Variants in ATP2C1 observed in about 807,000 individuals in gnomAD.
ATP2C1 encodes the protein ATPase secretory pathway Ca2+ transporting 1.
A neutral mutation model predicts 120.5 loss-of-function variants in ATP2C1; 31 were observed. That is an observed-to-expected ratio of 0.26 (90% confidence interval 0.19 to 0.35). The LOEUF (loss-of-function observed/expected upper bound fraction) is 0.35. ATP2C1 is among the 10% of genes least tolerant of loss of function. The pLI is 1.00. For synonymous variants in ATP2C1, 351 were observed against 358.7 expected, an observed-to-expected ratio of 0.98 and a Z score of 0.24; for missense variants, 731 against 1,107.5, an observed-to-expected ratio of 0.66 and a Z score of 4.83.
chr3:130,908,268 T>C (rs1437382182), intron 2 of ATP2C1, among the ~76,000 whole-genome samples: 1 of 152,118 alleles, frequency 6.6e-6, no homozygotes, highest in Admixed American at 6.6e-5. Context: ...ACAGGATGTT[T>C]ACTGCAGCAA....
At chr3:130,952,182 C>T (rs759035886) in intron 8 of ATP2C1, among the ~76,000 whole-genome samples, 33 of 152,142 alleles carry the variant, frequency 2.2e-4, no homozygotes, top group Non-Finnish European at 4.0e-4. Context: ...CTCTACCTGG[C>T]ATTATGTTAT....
At chr3:130,899,523 TCTTG>T (rs1350592632) in intron 2 of ATP2C1, 1 of 152,284 alleles carries the variant, frequency 6.6e-6, no homozygotes, top group Non-Finnish European at 1.5e-5. Context: ...GAGGGGTTGG[TCTTG>T]CTGTCTCGGG....
At chr3:130,912,351 C>T (rs1442599292) in intron 2 of ATP2C1, among the ~76,000 whole-genome samples, 5 of 151,596 alleles carry the variant, frequency 3.3e-5, no homozygotes, top group Admixed American at 2.6e-4. Context: ...GCAACCTACT[C>T]ATCTGACAAA....
chr3:130,882,034 G>C (rs1282992728), intron 1 of ATP2C1, among the ~76,000 whole-genome samples: 2 of 152,066 alleles, frequency 1.3e-5, no homozygotes, highest in Non-Finnish European at 2.9e-5. Flanking sequence ...CAATTTAGAT[G>C]TTAAAGAACA....
intron 2 of ATP2C1, among the ~76,000 whole-genome samples, chr3:130,904,560 T>G (rs1250525756): frequency 6.6e-6 from 1 of 152,074 alleles, no homozygotes; most frequent in Non-Finnish European, 1.5e-5. Flanking sequence ...TAATAATAAA[T>G]GTTCATTTTA....
chr3:130,953,363 C>T (rs573666335), intron 8 of ATP2C1, among the ~76,000 whole-genome samples: 1 of 152,118 alleles, frequency 6.6e-6, no homozygotes, highest in South Asian at 2.1e-4. Flanking sequence ...AAAATTGATT[C>T]CAAAATGATG....
intron 1 of ATP2C1, among the ~76,000 whole-genome samples, chr3:130,867,405 C>T (rs940753207): frequency 6.6e-6 from 1 of 151,658 alleles, no homozygotes; most frequent in Non-Finnish European, 1.5e-5. Context: ...ACTGCAACCT[C>T]CCTGCCTGAT....
chr3:130,906,361 C>T (rs1012644690), intron 2 of ATP2C1, among the ~76,000 whole-genome samples: 2 of 152,006 alleles, frequency 1.3e-5, no homozygotes, highest in African/African-American at 2.4e-5. Context: ...GCTTCTAGCA[C>T]GTGTTAGTAC....
chr3:130,869,429 T>TAAAAAAAAAAAAAAAAAAAAAAAAAA (rs762137045), intron 1 of ATP2C1: 1 of 106,628 alleles, frequency 9.4e-6, no homozygotes, highest in Non-Finnish European at 1.9e-5. Context: ...CAATAAAAAA[T>TAAAAAAAAAAAAAAAAAAAAAAAAAA]AAAAAAAAAA....
chr3:130,983,023 G>C (rs2061839214), intron 20 of ATP2C1, among the ~76,000 whole-genome samples: 1 of 152,054 alleles, frequency 6.6e-6, no homozygotes, highest in Admixed American at 6.5e-5. Flanking sequence ...ATTATTATTA[G>C]AAAACATGTT....
At chr3:130,943,731 G>A (rs2060021745) in intron 8 of ATP2C1, among the ~76,000 whole-genome samples, 1 of 152,014 alleles carries the variant, frequency 6.6e-6, no homozygotes, top group Non-Finnish European at 1.5e-5. Flanking sequence ...TGCCTTATTT[G>A]TTTTGCCTGT....
chr3:131,012,674 T>C (rs1455616795), intron 26 of ATP2C1, among the ~76,000 whole-genome samples: 2 of 152,192 alleles, frequency 1.3e-5, no homozygotes, highest in African/African-American at 4.8e-5. Flanking sequence ...AACCATCTCT[T>C]TGGAGATGGT....
In ATP2C1 at chr3:130,993,976, A is replaced by T. The variant is rs768669425; in HGVS notation, c.1935A>T (p.Gly645=). ...CAGTTGTAGCCATGACAGGAGATGG[A>T]GTAAATGATGCAGTTGCTCTGAAGG... ...NGSVVAMTGD[G]VNDAVALKAA... is the part of the protein sequence containing the mutation. Residue 645 remains glycine, a synonymous_variant, in exon 22 of 28, where the codon GGA becomes GGT. Transcript: ENST00000510168. 8.1e-6 allele frequency: 13 copies of T among 1,614,040 alleles called. No homozygotes were observed. Among genetic ancestry groups the T allele is most frequent in the Non-Finnish European group, 1.1e-5 (13 of 1,180,014 alleles).
chr3:130,902,953 A>G (rs143199375), intron 2 of ATP2C1, among the ~76,000 whole-genome samples: 2 of 152,078 alleles, frequency 1.3e-5, no homozygotes, highest in Non-Finnish European at 2.9e-5. Context: ...GTCTCCTTAC[A>G]TGTACATAGT....
chr3:130,941,585 T>C lies in ATP2C1; in HGVS notation c.423-6T>C. 1 of 1,611,400 alleles carries C rather than the reference T, an allele frequency of 6.2e-7. No homozygotes were observed. Among genetic ancestry groups the C allele is most frequent in the Non-Finnish European group, 8.5e-7 (1 of 1,177,576 alleles). ...TAACCATGGTTGTTTCTATTTCGTG[T>C]TACAGTGTGCGTGAAGGAAAATTGG... On this transcript the variant is annotated splice_region_variant and splice_polypyrimidine_tract_variant and intron_variant, in intron 7 of 27. Coordinates refer to ENST00000510168, the MANE Select transcript of ATP2C1 (RefSeq NM_001378687.1).
At chr3:130,912,073 C>G (rs2108127432) in intron 2 of ATP2C1, among the ~76,000 whole-genome samples, 1 of 92,974 alleles carries the variant, frequency 1.1e-5, no homozygotes, top group South Asian at 4.4e-4. Context: ...AACTGGATCC[C>G]TTCCTTACAC....
chr3:130,897,043 C>T (rs573628464), intron 2 of ATP2C1, among the ~76,000 whole-genome samples: 45 of 152,106 alleles, frequency 3.0e-4, no homozygotes, highest in Non-Finnish European at 5.3e-4. Context: ...AGTAAGTGCT[C>T]GGTAAATGTT....
At chr3:130,998,035 CT>C (rs1474614105) in intron 25 of ATP2C1, among the ~76,000 whole-genome samples, 1 of 151,784 alleles carries the variant, frequency 6.6e-6, no homozygotes, top group African/African-American at 2.4e-5. Flanking sequence ...CATAGAGCCA[CT>C]TTATTATTTT....
chr3:130,870,090 A>G (rs2685180), intron 1 of ATP2C1, among the ~76,000 whole-genome samples: 28,474 of 152,100 alleles, frequency 0.19, 2,806 homozygotes, highest in Middle Eastern at 0.27. Context: ...TGCTCTATCA[A>G]TGGAACAACA....
Sources: allele counts gnomAD v4.1 joint callset (sites outside exome capture counted in the v4.1 genomes callset), GRCh38; gene constraint gnomAD v4.1.1; transcripts MANE v1.5; gene names NCBI Gene and HGNC (gene_info 2026-07-23, HGNC 2026-07-21).